DOCK2: variants seen among roughly 807,000 people sequenced by gnomAD.
DOCK2 encodes dedicator of cytokinesis 2.
DOCK2 carries 87 observed loss-of-function variants against 248.9 expected under a neutral mutation model. The ratio of observed to expected loss-of-function variants is 0.35; its 90% CI spans 0.29 to 0.42. The LOEUF (loss-of-function observed/expected upper bound fraction) is 0.42. DOCK2 is among the 10% of genes least tolerant of loss of function. DOCK2 has a pLI of 1.00. For missense variants in DOCK2, 1,747 were observed against 2,300.2 expected (o/e 0.76, Z 4.92); for synonymous variants, 805 against 821.6 (o/e 0.98, Z 0.35).
At chr5:169,996,208 G>T in intron 30 of DOCK2, 44 bp downstream of exon 30, 4 of 1,587,866 alleles carry the variant, frequency 2.5e-6, no homozygotes, top group Non-Finnish European at 3.4e-6. Flanking sequence ...TGCCCAGGGC[G>T]TCTCTGACAT....
chr5:169,882,829 T>C, intron 27 of DOCK2: 3 of 1,550,998 alleles, frequency 1.9e-6, no homozygotes, highest in Non-Finnish European at 2.6e-6. Context: ...GTTTGCCGTC[T>C]GCTCCTGACA....
At chr5:169,859,845 A>C (rs1252504161) in intron 27 of DOCK2, among the ~76,000 whole-genome samples, 1 of 152,122 alleles carries the variant, frequency 6.6e-6, no homozygotes, top group Non-Finnish European at 1.5e-5. Flanking sequence ...CCACACAACA[A>C]GAATCTTTAA....
rs1320210567 is a variant in DOCK2 at position 169,883,069 on chromosome 5, T to C, written c.2799+42217T>C. ...TGAGTTGTCTTTGGGCAAAAGCAAT[T>C]CAGGTTTAAGTTCCTCTGTGCCTGG... On this transcript the variant is annotated intron_variant, in intron 27 of 51. Coordinates refer to ENST00000520908, the MANE Select transcript of DOCK2 (RefSeq NM_004946.3). 5.2e-6 allele frequency: 8 copies of C among 1,551,550 alleles called. No homozygotes were observed. The Admixed American group carries it at 1.4e-4, about 27-fold the overall frequency.
At chr5:169,845,747 CT>C (rs1770265466) in intron 27 of DOCK2, among the ~76,000 whole-genome samples, 1 of 152,158 alleles carries the variant, frequency 6.6e-6, no homozygotes, top group South Asian at 2.1e-4. Context: ...GTCTCAATGA[CT>C]TTGGAGTTTG....
chr5:170,077,608 C>A, intron 47 of DOCK2, 102 bp from the exon 48 acceptor site: 1 of 1,533,542 alleles, frequency 6.5e-7, no homozygotes, highest in Non-Finnish European at 8.8e-7. Flanking sequence ...TCCACTCAGC[C>A]CCACAACTCT....
intron 32 of DOCK2, among the ~76,000 whole-genome samples, chr5:170,011,989 T>C (rs1312876245): frequency 6.6e-6 from 1 of 152,234 alleles, no homozygotes; most frequent in Non-Finnish European, 1.5e-5. Context: ...GTCAGATTTC[T>C]GTTGCATCCT....
intron 30 of DOCK2, among the ~76,000 whole-genome samples, chr5:169,998,521 G>A (rs188824557): frequency 4.6e-5 from 7 of 152,328 alleles, no homozygotes; most frequent in East Asian, 1.9e-4. Flanking sequence ...CAGATCTCAC[G>A]AGAAGCACTT....
At chr5:169,747,358 G>C (rs767900668) in intron 22 of DOCK2, 38 bp from the exon 23 acceptor site, 2 of 1,574,114 alleles carry the variant, frequency 1.3e-6, no homozygotes, top group Admixed American at 3.7e-5. Flanking sequence ...AGTATTGTCT[G>C]TTAGCTTGAG....
chr5:169,935,666 G>A (rs931680350), intron 27 of DOCK2, among the ~76,000 whole-genome samples: 3 of 152,142 alleles, frequency 2.0e-5, no homozygotes, highest in South Asian at 2.1e-4. Flanking sequence ...TTGCCGATGC[G>A]GTGAAGTCAT....
At chr5:169,974,574 A>G (rs1171034762) in intron 27 of DOCK2, among the ~76,000 whole-genome samples, 1 of 152,100 alleles carries the variant, frequency 6.6e-6, no homozygotes, top group Non-Finnish European at 1.5e-5. Context: ...CCTTGGTGTC[A>G]TTTTACCCTG....
intron 48 of DOCK2, 28 bp downstream of exon 48, chr5:170,077,865 C>A (rs983539591): frequency 1.2e-6 from 2 of 1,606,596 alleles, no homozygotes; most frequent in Non-Finnish European, 1.7e-6. Flanking sequence ...AAGGAGCCCC[C>A]CACACCCCTG....
At chr5:169,711,911 T>C (rs1424180500) in intron 15 of DOCK2, 24 bp from the exon 16 acceptor site, 1 of 1,613,318 alleles carries the variant, frequency 6.2e-7, no homozygotes, top group Admixed American at 1.7e-5. Context: ...CATTGTGTTC[T>C]GAGCTCTGTT....
At chr5:170,077,584 T>A in intron 47 of DOCK2, 126 bp from the exon 48 acceptor site, 3 of 1,414,726 alleles carry the variant, frequency 2.1e-6, no homozygotes, top group Non-Finnish European at 2.9e-6. Context: ...AGCCAGGAAC[T>A]TTTGTGCTGA....
intron 27 of DOCK2, among the ~76,000 whole-genome samples, chr5:169,850,719 A>T (rs1393847416): frequency 6.6e-6 from 1 of 152,202 alleles, no homozygotes; most frequent in Non-Finnish European, 1.5e-5. Flanking sequence ...ATCAGGGCAT[A>T]CTAGGCCTAA....
chr5:169,705,356 C>A (rs1158557274), intron 14 of DOCK2, among the ~76,000 whole-genome samples: 1 of 152,124 alleles, frequency 6.6e-6, no homozygotes, highest in African/African-American at 2.4e-5. Flanking sequence ...GATGCTGGGC[C>A]AAGAAACCTC....
chr5:169,911,395 T>G (rs1421224780), intron 27 of DOCK2, among the ~76,000 whole-genome samples: 1 of 152,188 alleles, frequency 6.6e-6, no homozygotes, highest in East Asian at 1.9e-4. Flanking sequence ...TCAGAGCCAG[T>G]GGAGCTTTTA....
rs774041924 is a variant in DOCK2 at position 169,718,794 on chromosome 5, G to A, written c.2267+3G>A. On this transcript the variant is annotated splice_donor_region_variant and intron_variant, in intron 22 of 51. Transcript: ENST00000520908. ...CGGTCGAGGACATTATTTTCACAGT[G>A]AGTACTTGTTATGTAAGAGTGATTG... is the stretch of plus-strand genomic sequence containing the variant. 78 of 1,612,800 alleles carry A rather than the reference G, an allele frequency of 4.8e-5. 1 individual carries two copies. Among genetic ancestry groups the A allele is most frequent in the Non-Finnish European group, 5.9e-6 (7 of 1,179,132 alleles).
chr5:169,788,552 G>A (rs1766133352), intron 25 of DOCK2, among the ~76,000 whole-genome samples: 1 of 152,172 alleles, frequency 6.6e-6, no homozygotes, highest in Admixed American at 6.5e-5. Flanking sequence ...TATGGTTCCT[G>A]CAAGGAATTT....
chr5:169,875,165 C>G (rs1772243565), intron 27 of DOCK2: 1 of 454,884 alleles, frequency 2.2e-6, no homozygotes, highest in East Asian at 7.0e-5. Context: ...TATCTTCTTT[C>G]AAGACCCTGA....
Sources: gnomAD v4.1 joint callset for allele counts (sites outside exome capture counted in the v4.1 genomes callset) on GRCh38, gnomAD v4.1.1 for gene constraint, MANE v1.5 for transcripts, NCBI Gene and HGNC (gene_info 2026-07-23, HGNC 2026-07-21) for gene names.